CFAP61: variants seen among roughly 807,000 people sequenced by gnomAD.
The protein encoded by CFAP61 is cilia and flagella associated protein 61.
Under a neutral mutation model 135.6 loss-of-function variants are expected in CFAP61, and 107 were observed. That is an observed-to-expected ratio of 0.79 (90% CI 0.67 to 0.93). The LOEUF (loss-of-function observed/expected upper bound fraction) is 0.93. Among genes scored for constraint, CFAP61 ranks in the 40% least tolerant of loss-of-function variants. CFAP61 has a pLI of 0.00. For synonymous variants in CFAP61, 575 were observed against 578.5 expected, an observed-to-expected ratio of 0.99 and a Z score of 0.09; for missense variants, 1,507 against 1,556.2, an observed-to-expected ratio of 0.97 and a Z score of 0.53.
At chr20:20,131,098 A>G (rs1273587208) in intron 8 of CFAP61, among the ~76,000 whole-genome samples, 1 of 151,718 alleles carries the variant, frequency 6.6e-6, no homozygotes, top group Non-Finnish European at 1.5e-5. Flanking sequence ...ATAGATACAG[A>G]AGTCTGATTC....
intron 20 of CFAP61, among the ~76,000 whole-genome samples, chr20:20,252,499 T>C (rs1389652232): frequency 1.3e-5 from 2 of 152,220 alleles, no homozygotes; most frequent in African/African-American, 4.8e-5. Context: ...TGGCTTTGAA[T>C]GTGGCTCAAC....
At chr20:20,218,676 T>C (rs576482171) in intron 17 of CFAP61, among the ~76,000 whole-genome samples, 1 of 152,320 alleles carries the variant, frequency 6.6e-6, no homozygotes, top group East Asian at 1.9e-4. Flanking sequence ...TACTTGTCTG[T>C]CCCCCAACCT....
chr20:20,349,763 G>A (rs1255637695), intron 26 of CFAP61, among the ~76,000 whole-genome samples: 1 of 152,144 alleles, frequency 6.6e-6, no homozygotes, highest in Non-Finnish European at 1.5e-5. Context: ...AAATAAATGG[G>A]ACAACATCTG....
intron 1 of CFAP61, among the ~76,000 whole-genome samples, chr20:20,054,350 A>G (rs1160115295): frequency 6.6e-6 from 1 of 152,094 alleles, no homozygotes; most frequent in African/African-American, 2.4e-5. Context: ...GCCGTAGACT[A>G]AATTCAGCCC....
intron 11 of CFAP61, among the ~76,000 whole-genome samples, chr20:20,164,953 A>G (rs957542348): frequency 1.1e-4 from 16 of 152,222 alleles, no homozygotes; most frequent in Non-Finnish European, 1.8e-4. Flanking sequence ...ATGAGATTTC[A>G]TGAGACTTAT....
At chr20:20,055,330 A>C (rs1443117029) in intron 1 of CFAP61, among the ~76,000 whole-genome samples, 3 of 152,112 alleles carry the variant, frequency 2.0e-5, no homozygotes, top group Non-Finnish European at 4.4e-5. Flanking sequence ...TAGAATTTGG[A>C]CTTCTCAGCA....
intron 1 of CFAP61, chr20:20,056,087 CCT>C: frequency 9.0e-7 from 1 of 1,108,878 alleles, no homozygotes; most frequent in Non-Finnish European, 1.3e-6. Flanking sequence ...TATTATGGAA[CCT>C]CTCAAAGATG....
chr20:20,202,943 C>A (rs1311903555), intron 17 of CFAP61, among the ~76,000 whole-genome samples: 1 of 152,106 alleles, frequency 6.6e-6, no homozygotes, highest in African/African-American at 2.4e-5. Flanking sequence ...GGGAACAGAT[C>A]ACTCCAGGCA....
At chr20:20,232,524 C>G (rs6046746) in intron 18 of CFAP61, among the ~76,000 whole-genome samples, 3,208 of 152,174 alleles carry the variant, frequency 0.021, 110 homozygotes, top group African/African-American at 0.072. Context: ...TAGAAATGCA[C>G]AACCTCAGGC....
rs779316149 is a variant in CFAP61 at position 20,246,225 on chromosome 20, G to T, written c.2159+10G>T. On this transcript the variant is annotated intron_variant, in intron 19 of 26. Coordinates refer to ENST00000245957, the MANE Select transcript of CFAP61 (RefSeq NM_015585.4). ...AATTTTTAGCCAGCGAGTATGAATT[G>T]TATTTGCTTTTTCATTCTGAGGCCT... 4 of 1,573,104 alleles carry T rather than the reference G, an allele frequency of 2.5e-6. No individual in the cohort carries two copies. Among genetic ancestry groups the T allele is most frequent in the Non-Finnish European group, 3.5e-6 (4 of 1,142,912 alleles).
intron 8 of CFAP61, among the ~76,000 whole-genome samples, chr20:20,139,231 C>T (rs1410402847): frequency 1.3e-5 from 2 of 152,168 alleles, no homozygotes; most frequent in African/African-American, 2.4e-5. Context: ...TAAAGTCTGA[C>T]CCATTCAAGA....
chr20:20,179,834 CTG>C lies in CFAP61; in HGVS notation c.1386-8095_1386-8094del, dbSNP rs570318845. ...TAACTGGGTAGCCATGTGCAGAAGA[CTG>C]AAACTGGACACCTTACTTACACCAT... On this transcript the variant is annotated intron_variant, in intron 13 of 26. Coordinates refer to ENST00000245957, the MANE Select transcript of CFAP61 (RefSeq NM_015585.4). Among the ~76,000 whole-genome samples the C allele has an allele frequency of 1.2e-4, 19 of 152,246 alleles. 1 individual carries two copies. In the South Asian group the frequency reaches 3.9e-3, roughly 32 times the overall value.
At chr20:20,269,951 T>C (rs2053215816) in intron 21 of CFAP61, among the ~76,000 whole-genome samples, 1 of 152,166 alleles carries the variant, frequency 6.6e-6, no homozygotes, top group Non-Finnish European at 1.5e-5. Context: ...CCTTATTTTC[T>C]GGATAAAATG....
At chr20:20,144,772 G>C (rs908766044) in intron 9 of CFAP61, among the ~76,000 whole-genome samples, 3 of 152,098 alleles carry the variant, frequency 2.0e-5, no homozygotes, top group Non-Finnish European at 4.4e-5. Context: ...AAGCAGCCAG[G>C]AGTAGATTTG....
intron 26 of CFAP61, among the ~76,000 whole-genome samples, chr20:20,346,050 C>T (rs1276582405): frequency 2.8e-4 from 39 of 140,004 alleles, no homozygotes; most frequent in African/African-American, 9.2e-4. Flanking sequence ...TACAGGCGCC[C>T]GCCACCGCGC....
chr20:20,056,568 C>T, intron 1 of CFAP61, 50 bp from the exon 2 acceptor site: 1 of 1,257,344 alleles, frequency 8.0e-7, no homozygotes, highest in Non-Finnish European at 1.1e-6. Flanking sequence ...AATTAGTGTT[C>T]AGTTTTGTGT....
At chr20:20,198,739 G>A (rs959849133) in intron 16 of CFAP61, among the ~76,000 whole-genome samples, 3 of 152,164 alleles carry the variant, frequency 2.0e-5, no homozygotes, top group African/African-American at 7.2e-5. Flanking sequence ...TTCAGTTTGC[G>A]AAGTCACGGT....
At chr20:20,297,325 C>T (rs1156556593) in intron 24 of CFAP61, among the ~76,000 whole-genome samples, 1 of 152,172 alleles carries the variant, frequency 6.6e-6, no homozygotes, top group African/African-American at 2.4e-5. Flanking sequence ...AGAAGAGAAG[C>T]TTAAATCTAT....
At chr20:20,243,652 G>T (rs2050191180) in intron 18 of CFAP61, among the ~76,000 whole-genome samples, 1 of 151,982 alleles carries the variant, frequency 6.6e-6, no homozygotes, top group South Asian at 2.1e-4. Context: ...GGTCAGGCTG[G>T]TCTCAAACTC....
Sources: gnomAD v4.1 joint callset for allele counts (sites outside exome capture counted in the v4.1 genomes callset) on GRCh38, gnomAD v4.1.1 for gene constraint, MANE v1.5 for transcripts, NCBI Gene and HGNC (gene_info 2026-07-23, HGNC 2026-07-21) for gene names.